The following MFAP2 variants were observed in gnomAD, a reference collection of about 807,000 sequenced individuals.
The protein encoded by MFAP2 is microfibril associated protein 2.
In MFAP2, 23 loss-of-function variants were observed where a neutral mutation model predicts 30.6. The observed-to-expected ratio is 0.75, with a 90% CI of 0.54 to 1.07. The LOEUF (loss-of-function observed/expected upper bound fraction) is 1.07. Among genes scored for constraint, MFAP2 ranks in the 50% least tolerant of loss-of-function variants. The pLI is 0.00. For synonymous variants in MFAP2, 73 were observed against 85.7 expected (o/e 0.85, Z 0.82); for missense variants, 198 against 223.8 (o/e 0.88, Z 0.74).
rs1159698855 is a variant in MFAP2, at chr1:16,978,335, G to T, written c.-41-21C>A. 2.6e-6 allele frequency: 4 copies of T among 1,542,570 alleles called. No homozygotes were observed. The African/African-American group carries it at 4.1e-5, about 16-fold the overall frequency. On this transcript the variant is annotated intron_variant, in intron 1 of 8. Transcript: ENST00000375535. ...GACAGCTGGGGAAAGACCGGTGGGA[G>T]AGCTCTACCCAGGGCCACACCCAGG...
chr1:16,975,428 CGG>C lies in MFAP2; in HGVS notation c.375-88_375-87del. The C allele has an allele frequency of 2.1e-6, 2 of 947,598 alleles. No individual in the cohort carries two copies. Among genetic ancestry groups the C allele is most frequent in the Middle Eastern group, 3.6e-4 (1 of 2,754 alleles). 58.7% of individuals were successfully genotyped at this position (947,598 alleles called of 1,614,324 possible). On this transcript the variant is annotated intron_variant, in intron 7 of 8. Transcript: ENST00000375535. This position sits in a 1 kb window ranked among gnomAD's most constrained non-coding sequence, Gnocchi z 5.0. ...CCAGACAGAACCTGGCACGGGAGCC[CGG>C]ACAGAACCTGGCACGGGAGCCCGGA...
chr1:16,975,257 T>G lies in MFAP2; in HGVS notation c.448+12A>C, dbSNP rs1570736256. ...GGGGACAGGGGAGGTCTTGGGGAGGTGGCCTTCCTACCTCGGAGGAGCTCC... is the reference window on the plus strand; with the variant it reads ...GGGGACAGGGGAGGTCTTGGGGAGGGGGCCTTCCTACCTCGGAGGAGCTCC... On this transcript the variant is annotated intron_variant, in intron 8 of 8. Coordinates refer to ENST00000375535, the MANE Select transcript of MFAP2 (RefSeq NM_002403.4). The surrounding 1 kb of genome is among the most constrained non-coding windows in gnomAD (Gnocchi z 5.0). 1 of 1,611,106 alleles carries G rather than the reference T, an allele frequency of 6.2e-7. No individual in the cohort carries two copies. Among genetic ancestry groups the G allele is most frequent in the Non-Finnish European group, 8.5e-7 (1 of 1,178,446 alleles).
chr1:16,979,858 AGAAGTCAGTGTG>A (rs2076622909), intron 1 of MFAP2, among the ~76,000 whole-genome samples: 2 of 152,070 alleles, frequency 1.3e-5, no homozygotes, highest in Admixed American at 1.3e-4. Flanking sequence ...CAGGAAAGAG[AGAAGTCAGTGTG>A]GAGTTCATGA....
At chr1:16,977,294 G>A (rs1410662539) in intron 2 of MFAP2, 96 bp from the exon 3 acceptor site, 7 of 1,169,684 alleles carry the variant, frequency 6.0e-6, no homozygotes, top group Middle Eastern at 2.6e-4. Flanking sequence ...ACAAGGTCAG[G>A]CCCATAAGAG....
chr1:16,979,385 T>C (rs1051424599), intron 1 of MFAP2, among the ~76,000 whole-genome samples: 8 of 152,094 alleles, frequency 5.3e-5, no homozygotes. Flanking sequence ...AACCCCAACT[T>C]TGGTCTATTT....
rs1410363684 is a variant in MFAP2 at position 16,978,281 on chromosome 1, A to G, written c.-8T>C. 1.3e-6 allele frequency: 2 copies of G among 1,576,534 alleles called. No homozygotes were observed. Among genetic ancestry groups the G allele is most frequent in the East Asian group, 2.3e-5 (1 of 43,794 alleles). ...GAGGTAGGCAGCTCTCATGGCAACA[A>G]AGAGGCAGGCCGGGGTGGTGTCAGA... On this transcript the variant is annotated 5_prime_UTR_variant, in exon 2 of 9. Transcript: ENST00000375535.
At chr1:16,978,147 G>T in intron 2 of MFAP2, 90 bp downstream of exon 2, 1 of 1,408,544 alleles carries the variant, frequency 7.1e-7, no homozygotes, top group Non-Finnish European at 9.7e-7. Context: ...GTCATAAGTC[G>T]TGACAAAGGC....
At position 16,975,500 on chromosome 1, in the gene MFAP2, C is replaced by G; in HGVS notation, c.374+143G>C. The G allele has an allele frequency of 8.3e-7, 1 of 1,210,410 alleles. No homozygotes were observed. Among genetic ancestry groups the G allele is most frequent in the Non-Finnish European group, 1.2e-6 (1 of 834,206 alleles). 75.0% of individuals were successfully genotyped at this position (1,210,410 alleles called of 1,614,324 possible). The stretch of plus-strand genomic sequence containing the variant: ...CCAGGAGTGGAGGAGGTCCCTGGCC[C>G]AGGCTCAACCACAGAACTGAGCTCA... On this transcript the variant is annotated intron_variant, in intron 7 of 8. Coordinates refer to ENST00000375535, the MANE Select transcript of MFAP2 (RefSeq NM_002403.4). The surrounding 1 kb of genome is among the most constrained non-coding windows in gnomAD (Gnocchi z 5.0).
Position 16,975,203 on chromosome 1 carries a change from G to A in MFAP2, c.448+66C>T. The A allele has an allele frequency of 5.4e-6, 8 of 1,474,808 alleles. No homozygotes were observed. The highest frequency in any genetic ancestry group is 2.3e-5 in the East Asian group (1 of 44,096). The allele number at this position is 1,474,808 out of a possible 1,614,324, so 91.4% of individuals were successfully genotyped here. A position where few individuals can be genotyped will look rare whatever the true frequency, so the allele number is the denominator to read the frequency against. On this transcript the variant is annotated intron_variant, in intron 8 of 8. Transcript: ENST00000375535. The surrounding 1 kb of genome is among the most constrained non-coding windows in gnomAD (Gnocchi z 5.0). ...GTGTTGAATAAACATCAGGTGGGTG[G>A]CTAGGTGGCCAGATAATGATGCGGG...
intron 1 of MFAP2, chr1:16,979,123 G>A (rs2076616928): frequency 6.6e-6 from 1 of 152,376 alleles, no homozygotes; most frequent in Non-Finnish European, 1.5e-5. Flanking sequence ...GCAAGTGTGT[G>A]TGTCATTTGG....
chr1:16,976,403 G>T lies in MFAP2; in HGVS notation c.286+98C>A, dbSNP rs2100582143. ...CCCACACTGCCAAGAGCCCACATGGGCAAGGGCCAAAGACCTCCAGCCCAC... is the reference window on the plus strand; with the variant it reads ...CCCACACTGCCAAGAGCCCACATGGTCAAGGGCCAAAGACCTCCAGCCCAC... On this transcript the variant is annotated intron_variant, in intron 6 of 8. Transcript: ENST00000375535. This position sits in a 1 kb window ranked among gnomAD's most constrained non-coding sequence, Gnocchi z 5.5. 1.3e-6 allele frequency: 2 copies of T among 1,501,218 alleles called. No homozygotes were observed. Among genetic ancestry groups the T allele is most frequent in the Non-Finnish European group, 1.9e-6 (2 of 1,078,476 alleles). The allele number at this position is 1,501,218 out of a possible 1,614,324, so 93.0% of individuals were successfully genotyped here.
At chr1:16,980,266 G>GGGCCCCCCCCCCCCCCCCCC (rs1557656617) in intron 1 of MFAP2, among the ~76,000 whole-genome samples, 2 of 66,634 alleles carry the variant, frequency 3.0e-5, no homozygotes, top group Admixed American at 1.3e-4. Flanking sequence ...ATTCCCACCG[G>GGGCCCCCCCCCCCCCCCCCC]ACCCCCCCCC....
chr1:16,978,452 A>G, intron 1 of MFAP2, 138 bp from the exon 2 acceptor site: 1 of 719,256 alleles, frequency 1.4e-6, no homozygotes, highest in South Asian at 1.8e-5. Context: ...GAGTGGAGGG[A>G]CATCCCAGTC....
Position 16,975,481 on chromosome 1 carries a change from G to A in MFAP2, c.375-139C>T, listed in dbSNP as rs1039667406. 2.5e-6 allele frequency: 3 copies of A among 1,189,230 alleles called. No homozygotes were observed. Among genetic ancestry groups the A allele is most frequent in the African/African-American group, 3.0e-5 (2 of 65,930 alleles). The allele number at this position is 1,189,230 out of a possible 1,614,324, so 73.7% of individuals were successfully genotyped here. A position where few individuals can be genotyped will look rare whatever the true frequency, so the allele number is the denominator to read the frequency against. Reference sequence around the variant, plus strand: ...CAGAACCTGGCACTGGAGCCCAGGAGTGGAGGAGGTCCCTGGCCCAGGCTC... The same window carrying A: ...CAGAACCTGGCACTGGAGCCCAGGAATGGAGGAGGTCCCTGGCCCAGGCTC... On this transcript the variant is annotated intron_variant, in intron 7 of 8. Coordinates refer to ENST00000375535, the MANE Select transcript of MFAP2 (RefSeq NM_002403.4). The surrounding 1 kb of genome is among the most constrained non-coding windows in gnomAD (Gnocchi z 5.0).
rs2076581777 is a variant in MFAP2, at chr1:16,975,419, ACGGGAGCCCGGACAGAACC to A, written c.375-96_375-78del. On this transcript the variant is annotated intron_variant, in intron 7 of 8. Transcript: ENST00000375535. The surrounding 1 kb of genome is among the most constrained non-coding windows in gnomAD (Gnocchi z 5.0). ...TGGGATAGCCCAGACAGAACCTGGC[ACGGGAGCCCGGACAGAACC>A]TGGCACGGGAGCCCGGACAGAACCT... is the stretch of plus-strand genomic sequence containing the variant. The A allele has an allele frequency of 5.2e-6, 5 of 956,298 alleles. No individual in the cohort carries two copies. Among genetic ancestry groups the A allele is most frequent in the Non-Finnish European group, 5.3e-6 (4 of 749,772 alleles). 59.2% of individuals were successfully genotyped at this position (956,298 alleles called of 1,614,324 possible).
chr1:16,976,397 A>C lies in MFAP2; in HGVS notation c.286+104T>G. ...ATACTGCCCACACTGCCAAGAGCCC[A>C]CATGGGCAAGGGCCAAAGACCTCCA... is the stretch of plus-strand genomic sequence containing the variant. On this transcript the variant is annotated intron_variant, in intron 6 of 8. Coordinates refer to ENST00000375535, the MANE Select transcript of MFAP2 (RefSeq NM_002403.4). This position sits in a 1 kb window ranked among gnomAD's most constrained non-coding sequence, Gnocchi z 5.5. The C allele has an allele frequency of 6.9e-7, 1 of 1,458,496 alleles. No homozygotes were observed. Among genetic ancestry groups the C allele is most frequent in the Non-Finnish European group, 9.6e-7 (1 of 1,039,796 alleles). The allele number at this position is 1,458,496 out of a possible 1,614,324, so 90.3% of individuals were successfully genotyped here.
Position 16,975,734 on chromosome 1 carries a change from G to A in MFAP2, c.287-4C>T. The A allele has an allele frequency of 1.2e-6, 2 of 1,612,914 alleles. No homozygotes were observed. Among genetic ancestry groups the A allele is most frequent in the South Asian group, 2.2e-5 (2 of 90,862 alleles). On this transcript the variant is annotated splice_region_variant and splice_polypyrimidine_tract_variant and intron_variant, in intron 6 of 8. Transcript: ENST00000375535. This position sits in a 1 kb window ranked among gnomAD's most constrained non-coding sequence, Gnocchi z 5.0. ...GGGTACTGTTCCTCACGGCAGTCTG[G>A]TGACAGGTGGGGTCAGACTAGGAGC... is the stretch of plus-strand genomic sequence containing the variant.
At position 16,976,558 on chromosome 1, in the gene MFAP2, CAG is replaced by C. The variant is rs759912005; in HGVS notation, c.242-15_242-14del. On this transcript the variant is annotated splice_polypyrimidine_tract_variant and intron_variant, in intron 5 of 8. Coordinates refer to ENST00000375535, the MANE Select transcript of MFAP2 (RefSeq NM_002403.4). The surrounding 1 kb of genome is among the most constrained non-coding windows in gnomAD (Gnocchi z 5.5). ...GCATTTCCTGGTTCTGGTGTGGAGA[CAG>C]AGGTAGGCAGACATCACTGGGAGGG... The C allele has an allele frequency of 3.1e-6, 5 of 1,614,196 alleles. No homozygotes were observed. The East Asian group carries it at 1.1e-4, about 36-fold the overall frequency.
Position 16,974,724 on chromosome 1 carries a change from C to T in MFAP2, c.*196G>A. The T allele has an allele frequency of 1.3e-5, 3 of 234,142 alleles. No homozygotes were observed. The highest frequency in any genetic ancestry group is 2.1e-5 in the Non-Finnish European group (3 of 141,710). The allele number at this position is 234,142 out of a possible 1,614,324, so 14.5% of individuals were successfully genotyped here. A position where few individuals can be genotyped will look rare whatever the true frequency, so the allele number is the denominator to read the frequency against. On this transcript the variant is annotated 3_prime_UTR_variant, in exon 9 of 9. Transcript: ENST00000375535. ...AGGGGCAGACTGGGCAGTGGGGAGC[C>T]CCCATTGTGCCCCAGAGGTGGCCAC...
Sources: allele counts gnomAD v4.1 joint callset (sites outside exome capture counted in the v4.1 genomes callset), GRCh38; gene constraint gnomAD v4.1.1; non-coding constraint Gnocchi (gnomAD v3.1); transcripts MANE v1.5; gene names NCBI Gene and HGNC (gene_info 2026-07-23, HGNC 2026-07-21).